LAS1L: variants seen among roughly 807,000 people sequenced by gnomAD.
The protein encoded by LAS1L is LAS1 like ribosome biogenesis factor.
LAS1L carries 5 observed loss-of-function variants against 57.3 expected under a neutral mutation model. That is an observed-to-expected ratio of 0.09 (90% CI 0.05 to 0.18). The LOEUF is 0.18. Among genes scored for constraint, LAS1L ranks in the 10% least tolerant of loss-of-function variants. LAS1L has a pLI of 1.00. For synonymous variants in LAS1L, 245 were observed against 231.7 expected, an observed-to-expected ratio of 1.06 and a Z score of -0.52; for missense variants, 360 against 568.3, an observed-to-expected ratio of 0.63 and a Z score of 3.73.
Position 65,518,021 on chromosome X carries a change from T to G in LAS1L, c.1893A>C (p.Gly631=), listed in dbSNP as rs200815004. ...CCTGCCATGCAGAGCCCTGCAAAGC[T>G]CCTCTTTTCTGGGCCAGAAGCCTAG... The part of the protein sequence containing the change: ...ENARLLAQKR[G]ALQGSAWQVS... The change falls in exon 12 of 14, where the codon GGA becomes GGC. Residue 631 remains glycine, a synonymous_variant. Transcript: ENST00000374811. 1.5e-4 allele frequency: 180 copies of G among 1,207,990 alleles called. 2 individuals are homozygous for G. The highest frequency in any genetic ancestry group is 2.2e-5 in the Admixed American group (1 of 45,541).
intron 12 of LAS1L, among the ~76,000 whole-genome samples, chrX:65,516,443 C>A (rs1163937519): frequency 9.0e-6 from 1 of 110,774 alleles, no homozygotes; most frequent in African/African-American, 3.3e-5. Context: ...TACAGGCCAT[C>A]TCTGGATGGC....
chrX:65,525,748 C>CAAAAAAAAAAAAAAAA lies in LAS1L; in HGVS notation c.957-714_957-699dup, dbSNP rs772564998. 1.6e-3 allele frequency among the ~76,000 whole-genome samples: 62 copies of CAAAAAAAAAAAAAAAA among 38,228 alleles called. 3 individuals carry two copies. Among genetic ancestry groups the CAAAAAAAAAAAAAAAA allele is most frequent in the African/African-American group, 6.0e-3 (52 of 8,719 alleles). The allele number at this position is 38,228 out of a possible 115,157, so 33.2% of individuals were successfully genotyped here. ...AGGTCTTCACCAAGGTCTGATTTTT[C>CAAAAAAAAAAAAAAAA]AAAAAAAAAAAAAAAAAAAAGAAAG... On this transcript the variant is annotated intron_variant, in intron 7 of 13. Transcript: ENST00000374811.
At position 65,534,754 on chromosome X, in the gene LAS1L, C is replaced by A. The variant is rs1317364536; in HGVS notation, c.-39G>T. ...ACAGGCTCTGTGCCGCGCCGCTCCG[C>A]ACAGCCTTCAGCTCAGCGTGCTACC... On this transcript the variant is annotated 5_prime_UTR_variant, in exon 1 of 14. Transcript: ENST00000374811. 3 of 1,069,079 alleles carry A rather than the reference C, an allele frequency of 2.8e-6. No homozygotes were observed. Among genetic ancestry groups the A allele is most frequent in the Non-Finnish European group, 3.8e-6 (3 of 787,327 alleles). The allele number at this position is 1,069,079 out of a possible 1,213,427, so 88.1% of individuals were successfully genotyped here.
At position 65,529,885 on chromosome X, in the gene LAS1L, G is replaced by A. The variant is rs745554285; in HGVS notation, c.515-7C>T. 118 of 1,206,570 alleles carry A rather than the reference G, an allele frequency of 9.8e-5. No individual in the cohort carries two copies. The highest frequency in any genetic ancestry group is 1.3e-4 in the Non-Finnish European group (114 of 892,815). On this transcript the variant is annotated splice_region_variant and splice_polypyrimidine_tract_variant and intron_variant, in intron 4 of 13. Transcript: ENST00000374811. Reference sequence around the variant, plus strand: ...TCCAGGACAAAGTAGCAGCCTAGAGGGGGGAAGGCAGGCAGTGCCACAGGA... The same window carrying A: ...TCCAGGACAAAGTAGCAGCCTAGAGAGGGGAAGGCAGGCAGTGCCACAGGA...
At chrX:65,525,195 G>A in intron 7 of LAS1L, 145 bp from the exon 8 acceptor site, 1 of 465,261 alleles carries the variant, frequency 2.1e-6, no homozygotes, top group Non-Finnish European at 3.7e-6. Context: ...GGGTAGGAGT[G>A]GGGAGGAAGG....
intron 7 of LAS1L, among the ~76,000 whole-genome samples, chrX:65,525,765 A>AAAAAAAAAAAAAAAAAAAAAAAAAG (rs1556309415): frequency 9.3e-6 from 1 of 107,508 alleles, no homozygotes; most frequent in African/African-American, 3.6e-5. Flanking sequence ...AAAAAAAAAA[A>AAAAAAAAAAAAAAAAAAAAAAAAAG]AAAGAAAGAA....
At chrX:65,520,699 T>C in intron 11 of LAS1L, 8 of 754,237 alleles carry the variant, frequency 1.1e-5, no homozygotes, top group Non-Finnish European at 1.3e-5. Flanking sequence ...CAAGAAATCG[T>C]ACCCAAGTGA....
intron 11 of LAS1L, chrX:65,521,220 G>T (rs1368658925): frequency 6.7e-6 from 5 of 751,194 alleles, no homozygotes; most frequent in African/African-American, 2.3e-5. Context: ...GACTAAGAGG[G>T]TCTTGGCATC....
intron 13 of LAS1L, among the ~76,000 whole-genome samples, chrX:65,513,918 A>C (rs1003169799): frequency 8.9e-6 from 1 of 111,821 alleles, no homozygotes; most frequent in African/African-American, 3.3e-5. Flanking sequence ...CCCAGCTGCC[A>C]CCTCTCTTCT....
At position 65,534,587 on chromosome X, in the gene LAS1L, G is replaced by A. The variant is rs1468117030; in HGVS notation, c.129C>T (p.Val43=). The change falls in exon 1 of 14, where the codon GTC becomes GTT. Residue 43 remains valine (V), a synonymous_variant. Transcript: ENST00000374811. ...CCCACTCGGCCCTGCTGAGCCAGGC[G>A]ACCACGATGCCGTGGGCCGAGAGTG... ...SLPLSAHGIV[V]AWLSRAEWDQ... is the part of the protein sequence containing the mutation. 3.3e-6 allele frequency: 4 copies of A among 1,206,225 alleles called. No individual in the cohort carries two copies. In the South Asian group the frequency reaches 7.1e-5, roughly 22 times the overall value.
intron 11 of LAS1L, among the ~76,000 whole-genome samples, chrX:65,519,292 A>T (rs781092933): frequency 8.9e-6 from 1 of 111,934 alleles, no homozygotes; most frequent in South Asian, 3.7e-4. Flanking sequence ...AAGTGTGTGC[A>T]TTGGTGTGTG....
intron 12 of LAS1L, among the ~76,000 whole-genome samples, chrX:65,516,698 G>A (rs1316632066): frequency 9.7e-6 from 1 of 103,506 alleles, no homozygotes; most frequent in Non-Finnish European, 2.0e-5. Context: ...TTATGTCAAT[G>A]CCCCTCCCTT....
At chrX:65,525,135 T>C (rs1042408987) in intron 7 of LAS1L, 85 bp from the exon 8 acceptor site, 62 of 758,290 alleles carry the variant, frequency 8.2e-5, no homozygotes, top group Middle Eastern at 3.2e-4. Context: ...AAGCAGCTAA[T>C]GCCTCTGGCT....
In LAS1L at chrX:65,518,473, A is replaced by G; in HGVS notation, c.1449-8T>C. The G allele has an allele frequency of 8.4e-7, 1 of 1,187,760 alleles. No individual in the cohort carries two copies. Among genetic ancestry groups the G allele is most frequent in the Non-Finnish European group, 1.1e-6 (1 of 884,579 alleles). ...CCCATGGCTTTGAAGATGCTGAGCA[A>G]AGGGAGGGATGGGGTAGGAAAGATT... On this transcript the variant is annotated splice_region_variant and splice_polypyrimidine_tract_variant and intron_variant, in intron 11 of 13. Transcript: ENST00000374811.
intron 11 of LAS1L, chrX:65,523,231 G>T: frequency 5.3e-6 from 1 of 187,418 alleles, no homozygotes; most frequent in Admixed American, 7.5e-5. Flanking sequence ...CACTGGGCTT[G>T]GAGTCAGAAG....
In LAS1L at chrX:65,532,617, T is replaced by G; in HGVS notation, c.376A>C (p.Ile126Leu). 1 of 1,202,996 alleles carries G rather than the reference T, an allele frequency of 8.3e-7. No individual in the cohort carries two copies. Among genetic ancestry groups the G allele is most frequent in the Non-Finnish European group, 1.1e-6 (1 of 887,226 alleles). The change falls in exon 3 of 14, where the codon ATC (isoleucine) becomes CTC (leucine). Residue 126 changes from isoleucine to leucine, a missense_variant. Physicochemically the swap from Ile to Leu is conservative, Grantham distance 5. Around this residue, in one of 7 missense-constraint regions of LAS1L, gnomAD observed 43 missense variants for 78.0 expected, o/e 0.55. Transcript: ENST00000374811. ...GMALVRFVNL[I>L]SERKTKFAKV... Reference sequence around the variant, plus strand: ...GCAAACTTTGTCTTCCTCTCTGAGATAAGATTCACAAACCTGGAGTTGAGG... The same window carrying G: ...GCAAACTTTGTCTTCCTCTCTGAGAGAAGATTCACAAACCTGGAGTTGAGG...
intron 11 of LAS1L, chrX:65,519,055 G>A (rs2068749378): frequency 1.9e-6 from 1 of 528,005 alleles, no homozygotes; most frequent in Non-Finnish European, 2.3e-6. Flanking sequence ...ATGTGGGAGG[G>A]AGGCCAGATG....
intron 9 of LAS1L, 24 bp from the exon 10 acceptor site, chrX:65,524,286 TG>T (rs770283190): frequency 4.2e-5 from 47 of 1,128,518 alleles, no homozygotes; most frequent in Non-Finnish European, 5.6e-5. Flanking sequence ...GACACCCATT[TG>T]GGGGGGCAAT....
Position 65,529,845 on chromosome X carries a change from G to A in LAS1L, c.548C>T (p.Thr183Ile), listed in dbSNP as rs1468001078. Residue 183 changes from threonine to isoleucine, a missense_variant, in exon 5 of 14, where the codon ACC becomes ATC. By Grantham distance (89) the Thr-to-Ile change is moderately conservative. Coordinates refer to ENST00000374811, the MANE Select transcript of LAS1L (RefSeq NM_031206.7). Reference sequence around the variant, plus strand: ...GTTCTCCAGTTGGCGGCACCAATAGGTCTTCTGGAGCCAATCCAGGACAAA... The same window carrying A: ...GTTCTCCAGTTGGCGGCACCAATAGATCTTCTGGAGCCAATCCAGGACAAA... The part of the protein sequence containing the change: ...CYFVLDWLQK[T>I]YWCRQLENSL... 8.3e-7 allele frequency: 1 copy of A among 1,209,809 alleles called. No homozygotes were observed. The highest frequency in any genetic ancestry group is 1.1e-6 in the Non-Finnish European group (1 of 895,172).
Sources: gnomAD v4.1 joint callset for allele counts (sites outside exome capture counted in the v4.1 genomes callset) on GRCh38, gnomAD v4.1.1 for gene constraint, gnomAD v4.1.1 regional missense constraint, MANE v1.5 for transcripts, NCBI Gene and HGNC (gene_info 2026-07-23, HGNC 2026-07-21) for gene names.